The following FGF13 variants were observed in gnomAD, a reference collection of about 807,000 sequenced individuals.
FGF13 encodes the protein fibroblast growth factor 13.
Under a neutral mutation model 19.5 loss-of-function variants are expected in FGF13, and 2 were observed. The observed-to-expected ratio is 0.10, with a 90% CI of 0.04 to 0.32. FGF13 has a LOEUF of 0.32. FGF13 is among the 10% of genes least tolerant of loss of function. The probability of loss-of-function intolerance (pLI) is 1.00; values close to 1 mark genes in which losing one functional copy is unlikely to be tolerated. For missense variants in FGF13, 113 were observed against 192.7 expected, an observed-to-expected ratio of 0.59 and a Z score of 2.45; for synonymous variants, 72 against 76.9, an observed-to-expected ratio of 0.94 and a Z score of 0.33.
intron 3 of FGF13, among the ~76,000 whole-genome samples, chrX:138,804,008 T>C (rs776587716): frequency 1.8e-5 from 2 of 112,030 alleles, no homozygotes; most frequent in African/African-American, 6.5e-5. Context: ...CTCTAACCAA[T>C]AATGCTCACT....
chrX:138,816,495 G>A (rs2090962533), intron 3 of FGF13, among the ~76,000 whole-genome samples: 1 of 112,496 alleles, frequency 8.9e-6, no homozygotes. Context: ...CCAACAATAT[G>A]AAAATATGTA....
chrX:139,023,258 T>C lies in FGF13; in HGVS notation c.-112-158608A>G, dbSNP rs888006260. ...TAGATAGTATATAACCAAATGGGCA[T>C]GGCTGTACAACAAACTGTATTAATG... is the stretch of plus-strand genomic sequence containing the variant. On this transcript the variant is annotated intron_variant, in intron 1 of 2. Transcript: ENST00000421460. Among the ~76,000 whole-genome samples the C allele has an allele frequency of 7.2e-5, 8 of 111,376 alleles. No individual in the cohort carries two copies. The East Asian group carries it at 2.3e-3, about 32-fold the overall frequency.
At chrX:138,759,545 C>G (rs1375264656) in intron 3 of FGF13, among the ~76,000 whole-genome samples, 1 of 111,941 alleles carries the variant, frequency 8.9e-6, no homozygotes, top group Non-Finnish European at 1.9e-5. Flanking sequence ...GTTCTCAGGC[C>G]CTGGTTTCCA....
intron 3 of FGF13, among the ~76,000 whole-genome samples, chrX:138,681,780 G>A (rs2089731424): frequency 8.9e-6 from 1 of 111,825 alleles, no homozygotes; most frequent in Non-Finnish European, 1.9e-5. Flanking sequence ...TTGTGTTTCA[G>A]GGAATGGGGA....
At chrX:139,122,793 C>T (rs1389664142) in intron 1 of FGF13, among the ~76,000 whole-genome samples, 1 of 111,539 alleles carries the variant, frequency 9.0e-6, no homozygotes, top group Non-Finnish European at 1.9e-5. Context: ...CTCCTCCTTA[C>T]TCCCACACCT....
chrX:138,799,260 T>G (rs1219870311), intron 3 of FGF13, among the ~76,000 whole-genome samples: 2 of 111,990 alleles, frequency 1.8e-5, no homozygotes, highest in Non-Finnish European at 3.8e-5. Context: ...GAAGATTGTC[T>G]CTTTGTTCTC....
chrX:139,052,879 G>T (rs773064348), intron 1 of FGF13, among the ~76,000 whole-genome samples: 2 of 108,866 alleles, frequency 1.8e-5, no homozygotes, highest in Non-Finnish European at 3.8e-5. Context: ...ATAAGTTATT[G>T]GGGGTACAGG....
At chrX:138,836,122 C>G (rs770377056) in intron 3 of FGF13, among the ~76,000 whole-genome samples, 6 of 111,094 alleles carry the variant, frequency 5.4e-5, no homozygotes, top group Non-Finnish European at 7.5e-5. Context: ...AACATTTTTT[C>G]TTTCATTTAG....
upstream of FGF13, among the ~76,000 whole-genome samples, chrX:138,740,142 A>AGAAATG (rs2124302257): frequency 1.8e-5 from 2 of 112,030 alleles, no homozygotes; most frequent in Non-Finnish European, 3.8e-5. Context: ...AAATTCAAAT[A>AGAAATG]GAAATGGAAA....
intron 1 of FGF13, among the ~76,000 whole-genome samples, chrX:139,007,555 C>T (rs1012237051): frequency 8.9e-6 from 1 of 112,403 alleles, no homozygotes; most frequent in Non-Finnish European, 1.9e-5. Flanking sequence ...ACATTCTTTT[C>T]CTCATCACTT....
chrX:138,963,624 G>A (rs182198134), intron 1 of FGF13, among the ~76,000 whole-genome samples: 9 of 111,971 alleles, frequency 8.0e-5, no homozygotes, highest in Admixed American at 5.7e-4. Context: ...AATCTTTTTC[G>A]GTTTTAGACA....
At chrX:138,694,451 CTTT>C (rs755524415) in intron 3 of FGF13, among the ~76,000 whole-genome samples, 1 of 88,285 alleles carries the variant, frequency 1.1e-5, no homozygotes. Context: ...CTTTTCTTTT[CTTT>C]TTTTTTTTTT....
chrX:138,682,470 G>A (rs768898995), intron 3 of FGF13, among the ~76,000 whole-genome samples: 6 of 112,253 alleles, frequency 5.3e-5, no homozygotes, highest in African/African-American at 1.6e-4. Flanking sequence ...GTGTGTGTGC[G>A]TGCGTGTGCG....
At chrX:138,753,840 GA>G (rs2090414333) in intron 3 of FGF13, among the ~76,000 whole-genome samples, 1 of 112,134 alleles carries the variant, frequency 8.9e-6, no homozygotes. Flanking sequence ...GGCTTCTAAT[GA>G]TGCTCTTTTG....
rs191188119 is a variant in FGF13, at chrX:138,986,536, A to T, written c.-112-121886T>A. 3.8e-4 allele frequency among the ~76,000 whole-genome samples: 43 copies of T among 111,827 alleles called. 1 individual carries two copies. In the South Asian group the frequency reaches 0.01, roughly 26 times the overall value. ...CCCAACATGGGAGGAAGGAGGGTAC[A>T]TTTTCCCACAAAATGGCAACATTTT... On this transcript the variant is annotated intron_variant, in intron 1 of 2. Coordinates refer to the FGF13 transcript ENST00000421460.
At chrX:139,173,785 C>A (rs2084154005) in intron 1 of FGF13, among the ~76,000 whole-genome samples, 1 of 112,051 alleles carries the variant, frequency 8.9e-6, no homozygotes, top group African/African-American at 3.2e-5. Flanking sequence ...GCCACATTTT[C>A]TTTATCCAGT....
intron 1 of FGF13, among the ~76,000 whole-genome samples, chrX:139,035,513 G>A (rs751086500): frequency 3.0e-4 from 33 of 111,474 alleles, no homozygotes; most frequent in Admixed American, 2.3e-3. Flanking sequence ...ACTCATAAGC[G>A]TAAAAACACA....
chrX:138,800,326 C>T (rs558300236), intron 3 of FGF13, among the ~76,000 whole-genome samples: 2 of 111,802 alleles, frequency 1.8e-5, no homozygotes, highest in East Asian at 2.8e-4. Flanking sequence ...TTCTGCTTCG[C>T]TTATGAAGCC....
intron 1 of FGF13, among the ~76,000 whole-genome samples, chrX:139,028,718 A>T: frequency 9.9e-6 from 1 of 101,297 alleles, no homozygotes; most frequent in Admixed American, 1.2e-4. Flanking sequence ...TGAGAGAGAG[A>T]GAGAGCGTGT....
Sources: allele counts gnomAD v4.1 joint callset (sites outside exome capture counted in the v4.1 genomes callset), GRCh38; gene constraint gnomAD v4.1.1; transcripts MANE v1.5; gene names NCBI Gene and HGNC (gene_info 2026-07-23, HGNC 2026-07-21).